Variants in ZBTB20 observed in about 807,000 individuals in gnomAD.
ZBTB20 encodes the protein zinc finger and BTB domain-containing protein 20.
ZBTB20 carries 9 observed loss-of-function variants against 56.9 expected under a neutral mutation model. That is an observed-to-expected ratio of 0.16 (90% CI 0.10 to 0.28). The LOEUF (loss-of-function observed/expected upper bound fraction) is 0.28, where lower values mean the gene tolerates loss of function less well. Ranked by LOEUF, ZBTB20 falls within the 10% of genes least tolerant of loss-of-function variation. ZBTB20 has a pLI of 1.00. For synonymous variants in ZBTB20, 417 were observed against 420.7 expected (o/e 0.99, Z 0.11); for missense variants, 655 against 1,003.0 (o/e 0.65, Z 4.69).
At chr3:114,682,624 G>T (rs1240333574) in intron 6 of ZBTB20, among the ~76,000 whole-genome samples, 1 of 152,158 alleles carries the variant, frequency 6.6e-6, no homozygotes, top group African/African-American at 2.4e-5. Context: ...GAGAGACTGT[G>T]ATTGTAAATG....
At chr3:114,912,633 T>G (rs1352982211) in intron 3 of ZBTB20, among the ~76,000 whole-genome samples, 1 of 152,008 alleles carries the variant, frequency 6.6e-6, no homozygotes, top group African/African-American at 2.4e-5. Context: ...TTTAGTTATT[T>G]TAAAATATAC....
At chr3:114,989,369 T>C (rs891833486) in intron 2 of ZBTB20, among the ~76,000 whole-genome samples, 12 of 152,196 alleles carry the variant, frequency 7.9e-5, no homozygotes, top group African/African-American at 2.9e-4. Flanking sequence ...ATCCTTTCCC[T>C]ATTTCTTGTT....
chr3:114,761,100 T>C (rs2068403709), intron 5 of ZBTB20, among the ~76,000 whole-genome samples: 1 of 152,180 alleles, frequency 6.6e-6, no homozygotes, highest in South Asian at 2.1e-4. Context: ...TTTAACAGTG[T>C]AAGGCAACAG....
chr3:114,592,107 C>T (rs1380846779), intron 6 of ZBTB20, among the ~76,000 whole-genome samples: 1 of 152,156 alleles, frequency 6.6e-6, no homozygotes, highest in Non-Finnish European at 1.5e-5. Context: ...CCAGGACCGA[C>T]CTCAATAGCA....
At chr3:114,501,890 G>A (rs2044033565) in intron 6 of ZBTB20, among the ~76,000 whole-genome samples, 3 of 151,456 alleles carry the variant, frequency 2.0e-5, no homozygotes, top group African/African-American at 4.9e-5. Context: ...TGTAGTTTTA[G>A]TAGAAATGGG....
At chr3:114,804,286 A>G (rs767223556) in intron 4 of ZBTB20, among the ~76,000 whole-genome samples, 6 of 152,008 alleles carry the variant, frequency 3.9e-5, no homozygotes, top group Non-Finnish European at 7.4e-5. Context: ...ACCATTGACT[A>G]CGAACAAAGG....
intron 7 of ZBTB20, among the ~76,000 whole-genome samples, chr3:114,402,371 C>A (rs749507394): frequency 6.6e-6 from 1 of 151,820 alleles, no homozygotes; most frequent in Non-Finnish European, 1.5e-5. Context: ...AAGAAGCAAA[C>A]AGGAGAAAGA....
chr3:115,022,741 A>T (rs1334825592), intron 2 of ZBTB20, among the ~76,000 whole-genome samples: 1 of 151,004 alleles, frequency 6.6e-6, no homozygotes, highest in African/African-American at 2.4e-5. Context: ...ATATTATGGA[A>T]ATGATAAAAG....
chr3:114,905,566 A>G (rs962766551), intron 3 of ZBTB20, among the ~76,000 whole-genome samples: 1 of 151,884 alleles, frequency 6.6e-6, no homozygotes, highest in Non-Finnish European at 1.5e-5. Context: ...AATATTGGCT[A>G]AAGGAATGTT....
At position 114,332,876 on chromosome 3, in the gene ZBTB20, T is replaced by C. The variant is rs1477016772; in HGVS notation, c.*6129A>G. 6.6e-6 allele frequency: 1 copy of C among 152,224 alleles called. No individual in the cohort carries two copies. The highest frequency in any genetic ancestry group is 1.5e-5 in the Non-Finnish European group (1 of 68,028). 9.4% of individuals were successfully genotyped at this position (152,224 alleles called of 1,614,324 possible). Reference sequence around the variant, plus strand: ...GTCAGTGGTGTGGAAAGATAATGTTTCTTGTTTCAACCCAGGGCATTTTTA... The same window carrying C: ...GTCAGTGGTGTGGAAAGATAATGTTCCTTGTTTCAACCCAGGGCATTTTTA... On this transcript the variant is annotated 3_prime_UTR_variant, in exon 12 of 12. Coordinates refer to ENST00000675478, the MANE Select transcript of ZBTB20 (RefSeq NM_001348800.3).
chr3:114,560,696 TGGTAA>T (rs1433825581), intron 6 of ZBTB20, among the ~76,000 whole-genome samples: 6 of 152,066 alleles, frequency 3.9e-5, no homozygotes, highest in Non-Finnish European at 8.8e-5. Flanking sequence ...ACCATCTGAG[TGGTAA>T]TCTTTTTGCT....
Position 114,849,145 on chromosome 3 carries a change from G to A in ZBTB20, c.-416-47971C>T, listed in dbSNP as rs1041483469. Among the ~76,000 whole-genome samples, 6 of 152,268 alleles carry A rather than the reference G, an allele frequency of 3.9e-5. 1 individual carries two copies. The Middle Eastern group carries it at 0.014, about 345-fold the overall frequency. On this transcript the variant is annotated intron_variant, in intron 4 of 11. Transcript: ENST00000675478. Reference sequence around the variant, plus strand: ...GTCCCTGGTTCCCTAGGAAAGCACTGTTTTCTTTTCTTTTTTCTTTTTTTT... The same window carrying A: ...GTCCCTGGTTCCCTAGGAAAGCACTATTTTCTTTTCTTTTTTCTTTTTTTT...
intron 7 of ZBTB20, among the ~76,000 whole-genome samples, chr3:114,483,830 A>G (rs978933590): frequency 1.3e-5 from 2 of 152,104 alleles, no homozygotes; most frequent in African/African-American, 4.8e-5. Context: ...AAATATCACA[A>G]TTCGGCATTG....
intron 6 of ZBTB20, among the ~76,000 whole-genome samples, chr3:114,667,343 C>T (rs1282611897): frequency 2.0e-5 from 3 of 152,004 alleles, no homozygotes; most frequent in African/African-American, 7.2e-5. Context: ...TGTTATTAGA[C>T]TTAAAGAGAG....
intron 1 of ZBTB20, among the ~76,000 whole-genome samples, chr3:115,109,694 T>A (rs1037305591): frequency 6.6e-6 from 1 of 152,174 alleles, no homozygotes; most frequent in African/African-American, 2.4e-5. Flanking sequence ...AGACTGGTGA[T>A]ATTAGGTAGA....
At chr3:114,859,042 C>G (rs755957853) in intron 4 of ZBTB20, among the ~76,000 whole-genome samples, 10 of 152,012 alleles carry the variant, frequency 6.6e-5, no homozygotes, top group Non-Finnish European at 1.5e-4. Context: ...ATGCATCTGA[C>G]AGTAAGCCAG....
At chr3:114,893,980 T>C (rs961028074) in intron 4 of ZBTB20, among the ~76,000 whole-genome samples, 1 of 152,224 alleles carries the variant, frequency 6.6e-6, no homozygotes, top group African/African-American at 2.4e-5. Context: ...ATTAGGCATT[T>C]ATGCACCATT....
chr3:114,982,766 T>C (rs1161391655), intron 2 of ZBTB20, among the ~76,000 whole-genome samples: 7 of 152,012 alleles, frequency 4.6e-5, no homozygotes, highest in Admixed American at 4.6e-4. Context: ...ACCCAGTAAC[T>C]CGTCATTTTT....
intron 4 of ZBTB20, among the ~76,000 whole-genome samples, chr3:114,849,217 C>A (rs1187617888): frequency 6.6e-6 from 1 of 152,080 alleles, no homozygotes; most frequent in Non-Finnish European, 1.5e-5. Flanking sequence ...AACTAGGCAA[C>A]AGGGATAATC....
Sources: gnomAD v4.1 joint callset for allele counts (sites outside exome capture counted in the v4.1 genomes callset) on GRCh38, gnomAD v4.1.1 for gene constraint, MANE v1.5 for transcripts, NCBI Gene and HGNC (gene_info 2026-07-23, HGNC 2026-07-21) for gene names.